The following DPYD variants were observed in gnomAD, a reference collection of about 807,000 sequenced individuals.
DPYD encodes dihydropyrimidine dehydrogenase [NADP(+)].
In DPYD, 109 loss-of-function variants were observed where a neutral mutation model predicts 116.2. The observed-to-expected ratio is 0.94, with a 90% confidence interval of 0.80 to 1.10. The LOEUF (loss-of-function observed/expected upper bound fraction) is 1.10, where lower values mean the gene tolerates loss of function less well. DPYD is among the 50% of genes least tolerant of loss of function. The pLI, the probability that DPYD is intolerant of heterozygous loss-of-function variation, is 0.00. For missense variants in DPYD, 1,302 were observed against 1,254.5 expected (o/e 1.04, Z -0.57); for synonymous variants, 440 against 432.0 (o/e 1.02, Z -0.23).
intron 2 of DPYD, among the ~76,000 whole-genome samples, chr1:97,876,206 A>G (rs563251809): frequency 2.2e-4 from 33 of 152,152 alleles, no homozygotes; most frequent in African/African-American, 7.7e-4. Flanking sequence ...CCACAGAGTG[A>G]GCCAGCAAGT....
At chr1:97,792,869 G>C (rs1210181925) in intron 3 of DPYD, among the ~76,000 whole-genome samples, 2 of 152,078 alleles carry the variant, frequency 1.3e-5, no homozygotes, top group Non-Finnish European at 2.9e-5. Flanking sequence ...CAAAAACAGG[G>C]TAAGTTGGAC....
At chr1:97,221,835 T>G (rs994602564) in intron 19 of DPYD, among the ~76,000 whole-genome samples, 1 of 152,040 alleles carries the variant, frequency 6.6e-6, no homozygotes, top group African/African-American at 2.4e-5. Flanking sequence ...AACAACCAAC[T>G]TTGTTCATTC....
chr1:97,121,527 C>T (rs1388966168), intron 20 of DPYD, among the ~76,000 whole-genome samples: 4 of 152,062 alleles, frequency 2.6e-5, no homozygotes, highest in African/African-American at 9.7e-5. Flanking sequence ...ACATGTTTCC[C>T]AAAGAATTAT....
intron 16 of DPYD, among the ~76,000 whole-genome samples, chr1:97,366,105 A>G (rs888895089): frequency 2.0e-5 from 3 of 152,200 alleles, no homozygotes; most frequent in African/African-American, 7.2e-5. Flanking sequence ...ATTAATAACT[A>G]TAATTGAAAA....
rs1179478143 is a variant in DPYD at position 97,757,613 on chromosome 1, A to G, written c.234-17134T>C. On this transcript the variant is annotated intron_variant, in intron 3 of 22. Coordinates refer to ENST00000370192, the MANE Select transcript of DPYD (RefSeq NM_000110.4). ...GCGTTCCTATCTTGAAAAAACTGAA[A>G]TTGTTAGAAGGTAATTTACCTCCCA... Among the ~76,000 whole-genome samples the G allele has an allele frequency of 2.6e-5, 4 of 152,148 alleles. 1 individual carries two copies. The highest frequency in any genetic ancestry group is 2.9e-5 in the Non-Finnish European group (2 of 68,024).
intron 13 of DPYD, among the ~76,000 whole-genome samples, chr1:97,475,037 T>C (rs1460262133): frequency 6.6e-6 from 1 of 152,106 alleles, no homozygotes; most frequent in Non-Finnish European, 1.5e-5. Context: ...TTAGCACACG[T>C]AATAAAAATC....
rs2100972610 is a variant in DPYD at position 97,699,560 on chromosome 1, C to G, written c.484-13G>C. On this transcript the variant is annotated splice_polypyrimidine_tract_variant and intron_variant, in intron 5 of 22. Coordinates refer to ENST00000370192, the MANE Select transcript of DPYD (RefSeq NM_000110.4). Reference sequence around the variant, plus strand: ...TTGCTTTGAATACCTACGGGGAAATCAATTGTCATGGTTAAAATTTTGAAA... The same window carrying G: ...TTGCTTTGAATACCTACGGGGAAATGAATTGTCATGGTTAAAATTTTGAAA... 6.2e-7 allele frequency: 1 copy of G among 1,612,668 alleles called. No individual in the cohort carries two copies. The highest frequency in any genetic ancestry group is 1.3e-5 in the African/African-American group (1 of 74,976).
chr1:97,693,755 T>C (rs574071136), intron 6 of DPYD, among the ~76,000 whole-genome samples: 90 of 152,278 alleles, frequency 5.9e-4, no homozygotes, highest in African/African-American at 2.1e-3. Context: ...GATGAGAATC[T>C]TAAATACATC....
At chr1:97,447,634 T>G (rs978896926) in intron 14 of DPYD, among the ~76,000 whole-genome samples, 13 of 152,098 alleles carry the variant, frequency 8.5e-5, no homozygotes, top group Admixed American at 5.2e-4. Flanking sequence ...AGAAGAAAAT[T>G]ATCTCCAGGG....
At chr1:97,788,257 GA>G (rs1667144828) in intron 3 of DPYD, among the ~76,000 whole-genome samples, 1 of 152,154 alleles carries the variant, frequency 6.6e-6, no homozygotes, top group South Asian at 2.1e-4. Flanking sequence ...AATGATGGCA[GA>G]AGTGATGCTG....
intron 20 of DPYD, among the ~76,000 whole-genome samples, chr1:97,125,285 C>T (rs1351247356): frequency 6.6e-6 from 1 of 151,990 alleles, no homozygotes; most frequent in Non-Finnish European, 1.5e-5. Context: ...GTGGATGAAT[C>T]TTGTTTTCAA....
At chr1:97,609,463 A>G (rs1227712596) in intron 8 of DPYD, among the ~76,000 whole-genome samples, 2 of 152,020 alleles carry the variant, frequency 1.3e-5, no homozygotes, top group Non-Finnish European at 2.9e-5. Context: ...GTAATAATAA[A>G]TATTTTAAAA....
At position 97,693,817 on chromosome 1, in the gene DPYD, A is replaced by C. The variant is rs749033409; in HGVS notation, c.681-2019T>G. Among the ~76,000 whole-genome samples the C allele has an allele frequency of 5.9e-5, 9 of 152,294 alleles. No homozygotes were observed. The South Asian group carries it at 1.2e-3, about 21-fold the overall frequency. On this transcript the variant is annotated intron_variant, in intron 6 of 22. Coordinates refer to ENST00000370192, the MANE Select transcript of DPYD (RefSeq NM_000110.4). ...TCCAATGAGTCAGGCCTACTCTTGG[A>C]TTTTTATGGGATGTTAAGTAGAAGC...
rs193220969 is a variant in DPYD at position 97,151,155 on chromosome 1, G to T, written c.2622+41914C>A. Among the ~76,000 whole-genome samples the T allele has an allele frequency of 3.9e-5, 6 of 152,220 alleles. No homozygotes were observed. In the East Asian group the frequency reaches 1.2e-3, roughly 29 times the overall value. ...CTCGTAACATTCTTCTATGAAATGTGTTCCTTTTAAAACATTAAAACTGTA... is the reference window on the plus strand; with the variant it reads ...CTCGTAACATTCTTCTATGAAATGTTTTCCTTTTAAAACATTAAAACTGTA... On this transcript the variant is annotated intron_variant, in intron 20 of 22. Transcript: ENST00000370192.
chr1:97,342,126 T>TG lies in DPYD; in HGVS notation c.2058+31434dup, dbSNP rs531077792. 2.7e-3 allele frequency among the ~76,000 whole-genome samples: 405 copies of TG among 152,266 alleles called. 2 individuals are homozygous for TG. Among genetic ancestry groups the TG allele is most frequent in the African/African-American group, 9.4e-3 (390 of 41,566 alleles). On this transcript the variant is annotated intron_variant, in intron 16 of 22. Coordinates refer to ENST00000370192, the MANE Select transcript of DPYD (RefSeq NM_000110.4). Reference sequence around the variant, plus strand: ...GAAGTATAATTTTTTAGAAAAATAATGGAGTCCTTAAACTAATAATTTTGG... The same window carrying TG: ...GAAGTATAATTTTTTAGAAAAATAATGGGAGTCCTTAAACTAATAATTTTGG...
At chr1:97,333,836 T>C (rs1193705023) in intron 16 of DPYD, among the ~76,000 whole-genome samples, 2 of 152,006 alleles carry the variant, frequency 1.3e-5, no homozygotes, top group Non-Finnish European at 2.9e-5. Flanking sequence ...TTAAGTACAG[T>C]TTTTGAAAGT....
At chr1:97,096,547 G>T (rs1445479528) in intron 21 of DPYD, among the ~76,000 whole-genome samples, 1 of 152,084 alleles carries the variant, frequency 6.6e-6, no homozygotes, top group Admixed American at 6.6e-5. Flanking sequence ...TCTTACAAGA[G>T]GATTGTAAAA....
At chr1:97,616,276 T>A (rs1328826081) in intron 8 of DPYD, among the ~76,000 whole-genome samples, 2 of 152,182 alleles carry the variant, frequency 1.3e-5, no homozygotes, top group Non-Finnish European at 2.9e-5. Flanking sequence ...TTTCATTTGT[T>A]CATTTTTTAT....
intron 18 of DPYD, among the ~76,000 whole-genome samples, chr1:97,268,523 C>T (rs1046915304): frequency 6.6e-6 from 1 of 152,002 alleles, no homozygotes; most frequent in Non-Finnish European, 1.5e-5. Flanking sequence ...TGCCATGGCC[C>T]CAGAGCTCCT....
Sources: gnomAD v4.1 joint callset for allele counts (sites outside exome capture counted in the v4.1 genomes callset) on GRCh38, gnomAD v4.1.1 for gene constraint, MANE v1.5 for transcripts, NCBI Gene and HGNC (gene_info 2026-07-23, HGNC 2026-07-21) for gene names.